The following FAM117B variants were observed in gnomAD, a reference collection of about 807,000 sequenced individuals.
FAM117B encodes family with sequence similarity 117 member B, also known as protein FAM117B.
In FAM117B, 22 loss-of-function variants were observed where a neutral mutation model predicts 52.8. That is an observed-to-expected ratio of 0.42 (90% confidence interval 0.30 to 0.59). The LOEUF is 0.59. Ranked by LOEUF, FAM117B falls within the 20% of genes least tolerant of loss-of-function variation. The pLI is 0.22. For missense variants in FAM117B, 678 were observed against 802.6 expected, an observed-to-expected ratio of 0.84 and a Z score of 1.88; for synonymous variants, 309 against 324.1, an observed-to-expected ratio of 0.95 and a Z score of 0.50.
intron 2 of FAM117B, among the ~76,000 whole-genome samples, chr2:202,721,939 G>T (rs1214860837): frequency 6.6e-6 from 1 of 151,854 alleles, no homozygotes; most frequent in Admixed American, 6.6e-5. Context: ...GCTGTGCCTG[G>T]CCTGACATTA....
intron 4 of FAM117B, among the ~76,000 whole-genome samples, chr2:202,729,832 G>A (rs917332536): frequency 6.6e-6 from 1 of 152,152 alleles, no homozygotes; most frequent in Non-Finnish European, 1.5e-5. Flanking sequence ...AAGTCTCCAT[G>A]TTCACTTATT....
At chr2:202,689,409 C>CG (rs1443021955) in intron 1 of FAM117B, among the ~76,000 whole-genome samples, 2 of 152,124 alleles carry the variant, frequency 1.3e-5, no homozygotes, top group African/African-American at 4.8e-5. Context: ...TGCCACTGCA[C>CG]TCCAGCCTGG....
At chr2:202,683,056 A>G (rs1231605524) in intron 1 of FAM117B, among the ~76,000 whole-genome samples, 2 of 152,200 alleles carry the variant, frequency 1.3e-5, no homozygotes, top group Non-Finnish European at 2.9e-5. Context: ...GGCCAGGTGT[A>G]GTGGCTCATG....
chr2:202,662,134 G>A (rs1174538158), intron 1 of FAM117B, among the ~76,000 whole-genome samples: 1 of 151,584 alleles, frequency 6.6e-6, no homozygotes, highest in African/African-American at 2.4e-5. Flanking sequence ...GTGTGTGTGT[G>A]TGTGTATGTG....
chr2:202,762,497 G>A (rs181805374), intron 7 of FAM117B, among the ~76,000 whole-genome samples: 1 of 152,118 alleles, frequency 6.6e-6, no homozygotes, highest in South Asian at 2.1e-4. Flanking sequence ...TGGCTTCTTT[G>A]CAATATAGAG....
chr2:202,748,643 T>A (rs1559115066), intron 4 of FAM117B, among the ~76,000 whole-genome samples: 1 of 152,088 alleles, frequency 6.6e-6, no homozygotes. Context: ...AAGAGACAGA[T>A]TAAATGTCTG....
chr2:202,651,180 G>C (rs964137253), intron 1 of FAM117B, among the ~76,000 whole-genome samples: 1 of 150,790 alleles, frequency 6.6e-6, no homozygotes, highest in African/African-American at 2.4e-5. Flanking sequence ...TGGTGCCTCA[G>C]CCTCCAGAGT....
chr2:202,728,706 T>C (rs1340364191), intron 4 of FAM117B, among the ~76,000 whole-genome samples: 2 of 152,216 alleles, frequency 1.3e-5, no homozygotes, highest in African/African-American at 4.8e-5. Context: ...ACTTCAGAAG[T>C]TTCTGAAGTG....
Position 202,759,373 on chromosome 2 carries a change from TC to T in FAM117B, c.1451+24del, listed in dbSNP as rs1691848255. The T allele has an allele frequency of 6.3e-7, 1 of 1,586,180 alleles. No individual in the cohort carries two copies. The highest frequency in any genetic ancestry group is 8.5e-7 in the Non-Finnish European group (1 of 1,172,030). On this transcript the variant is annotated intron_variant, in intron 7 of 7. Transcript: ENST00000392238. Reference sequence around the variant, plus strand: ...ATGCTCGTAAGTATCCCTTCCACCATCCCCACAAAAAAACTATTATGAGCTT... The same window carrying T: ...ATGCTCGTAAGTATCCCTTCCACCATCCCACAAAAAAACTATTATGAGCTT...
intron 4 of FAM117B, among the ~76,000 whole-genome samples, chr2:202,731,741 G>T (rs982474602): frequency 1.2e-4 from 17 of 140,756 alleles, no homozygotes; most frequent in African/African-American, 4.0e-4. Flanking sequence ...ACTTTTTTTT[G>T]TTTGTTTGTT....
At chr2:202,691,760 A>G (rs1164596909) in intron 1 of FAM117B, among the ~76,000 whole-genome samples, 2 of 149,104 alleles carry the variant, frequency 1.3e-5, no homozygotes, top group South Asian at 2.1e-4. Context: ...CCCGAAAGGG[A>G]TTTTTTTTTA....
chr2:202,693,151 G>A (rs567899627), intron 1 of FAM117B, among the ~76,000 whole-genome samples: 4 of 152,242 alleles, frequency 2.6e-5, no homozygotes, highest in South Asian at 4.2e-4. Context: ...CAGAAAATTA[G>A]TAACTTGTTT....
intron 1 of FAM117B, among the ~76,000 whole-genome samples, chr2:202,687,375 A>G (rs533754990): frequency 7.2e-4 from 109 of 152,310 alleles, no homozygotes; most frequent in African/African-American, 2.5e-3. Flanking sequence ...TAGTGATTTA[A>G]TGGCGTATTT....
At chr2:202,724,122 A>ATC (rs1381970924) in intron 2 of FAM117B, among the ~76,000 whole-genome samples, 3 of 131,812 alleles carry the variant, frequency 2.3e-5, no homozygotes, top group African/African-American at 8.8e-5. Context: ...CGGTGGCACG[A>ATC]TCTCGGCTCA....
chr2:202,738,156 A>C (rs931010201), intron 4 of FAM117B, among the ~76,000 whole-genome samples: 2 of 152,200 alleles, frequency 1.3e-5, no homozygotes, highest in Non-Finnish European at 2.9e-5. Context: ...ATTCTGGATA[A>C]AAGTCCTTTG....
intron 1 of FAM117B, among the ~76,000 whole-genome samples, chr2:202,652,081 C>G (rs962030945): frequency 2.0e-5 from 3 of 146,670 alleles, no homozygotes; most frequent in Non-Finnish European, 3.0e-5. Context: ...AAGATAAGGA[C>G]AAGGGATGTC....
At chr2:202,715,110 C>T (rs1357677153) in intron 2 of FAM117B, among the ~76,000 whole-genome samples, 25 of 150,994 alleles carry the variant, frequency 1.7e-4, no homozygotes, top group African/African-American at 4.4e-4. Flanking sequence ...AAGGGGCAGC[C>T]GGGCAGAGGC....
At chr2:202,706,617 A>G (rs1690872242) in intron 2 of FAM117B, among the ~76,000 whole-genome samples, 1 of 152,242 alleles carries the variant, frequency 6.6e-6, no homozygotes, top group South Asian at 2.1e-4. Context: ...TTGAATTGAA[A>G]GAATAGTCTG....
At chr2:202,705,026 G>A (rs1452829868) in intron 2 of FAM117B, among the ~76,000 whole-genome samples, 1 of 152,070 alleles carries the variant, frequency 6.6e-6, no homozygotes, top group East Asian at 1.9e-4. Context: ...AGTTAAGAGG[G>A]CCGGGCGCAG....
Sources: gnomAD v4.1 joint callset for allele counts (sites outside exome capture counted in the v4.1 genomes callset) on GRCh38, gnomAD v4.1.1 for gene constraint, MANE v1.5 for transcripts, NCBI Gene and HGNC (gene_info 2026-07-23, HGNC 2026-07-21) for gene names.